Variants in CSMD1 observed in about 807,000 individuals in gnomAD.
The protein encoded by CSMD1 is CUB and Sushi multiple domains 1, also known as CUB and sushi domain-containing protein 1.
Under a neutral mutation model 417.5 loss-of-function variants are expected in CSMD1, and 213 were observed. The observed-to-expected ratio is 0.51, with a 90% CI of 0.46 to 0.57. The LOEUF (loss-of-function observed/expected upper bound fraction) is 0.57, where lower values mean the gene tolerates loss of function less well. CSMD1 is among the 20% of genes least tolerant of loss of function. The probability of loss-of-function intolerance (pLI) is 0.00; values close to 1 mark genes in which losing one functional copy is unlikely to be tolerated. For missense variants in CSMD1, 6,923 were observed against 4,529.7 expected (o/e 1.53, Z -15.17); for synonymous variants, 2,862 against 1,736.8 (o/e 1.65, Z -16.11).
chr8:4,841,876 A>C (rs1800854140), intron 1 of CSMD1, among the ~76,000 whole-genome samples: 2 of 129,648 alleles, frequency 1.5e-5, no homozygotes, highest in African/African-American at 2.8e-5. Context: ...GCACCGTTGC[A>C]CTCTAGCCGG....
intron 6 of CSMD1, among the ~76,000 whole-genome samples, chr8:3,717,097 C>G (rs922249207): frequency 6.6e-5 from 10 of 152,172 alleles, no homozygotes; most frequent in Admixed American, 5.9e-4. Context: ...TACCATATCT[C>G]AACAGTCTGC....
At chr8:3,941,480 C>A (rs1043978825) in intron 5 of CSMD1, among the ~76,000 whole-genome samples, 1 of 152,040 alleles carries the variant, frequency 6.6e-6, no homozygotes, top group African/African-American at 2.4e-5. Context: ...TAAATGCATC[C>A]TCAAGGTATC....
intron 5 of CSMD1, among the ~76,000 whole-genome samples, chr8:3,931,155 C>T (rs75294051): frequency 6.6e-6 from 1 of 150,630 alleles, no homozygotes; most frequent in African/African-American, 2.4e-5. Context: ...AGCTAAACAT[C>T]GTCTGCATCT....
intron 60 of CSMD1, 67 bp from the exon 61 acceptor site, chr8:2,962,706 G>A: frequency 6.7e-7 from 1 of 1,484,302 alleles, no homozygotes; most frequent in Non-Finnish European, 9.1e-7. Flanking sequence ...AATTGAGCTT[G>A]GTAACTAGTT....
chr8:4,086,875 A>C (rs1457155022), intron 3 of CSMD1, among the ~76,000 whole-genome samples: 3 of 152,362 alleles, frequency 2.0e-5, no homozygotes, highest in Admixed American at 6.5e-5. Context: ...ATAAGAGAGT[A>C]AACTGCAAGT....
chr8:3,684,616 T>A (rs1042346335), intron 7 of CSMD1, among the ~76,000 whole-genome samples: 32 of 129,760 alleles, frequency 2.5e-4, no homozygotes, highest in African/African-American at 8.5e-4. Context: ...TTTTTTTTTT[T>A]AGACGGAGTC....
chr8:4,914,763 G>A (rs1317195430), intron 1 of CSMD1, among the ~76,000 whole-genome samples: 2 of 152,092 alleles, frequency 1.3e-5, no homozygotes, highest in African/African-American at 4.8e-5. Context: ...CTCAGTTTAC[G>A]TCACTACCTG....
At chr8:3,468,518 C>T (rs763795640) in intron 12 of CSMD1, among the ~76,000 whole-genome samples, 194 bp downstream of exon 12, 2 of 152,102 alleles carry the variant, frequency 1.3e-5, no homozygotes, top group Admixed American at 6.5e-5. Context: ...CATGGCAAGC[C>T]GAGTTTTCAG....
rs1045253021 is a variant in CSMD1, at chr8:4,519,961, T to C, written c.303-99896A>G. On this transcript the variant is annotated intron_variant, in intron 2 of 69. Coordinates refer to ENST00000635120, the MANE Select transcript of CSMD1 (RefSeq NM_033225.6). ...CGTGTGTGTGTGTGTGTGTGTGGTG[T>C]GTATACATTTTTCATTCAACCAAAG... 7.4e-5 allele frequency among the ~76,000 whole-genome samples: 11 copies of C among 148,070 alleles called. No homozygotes were observed. In the Admixed American group the frequency reaches 7.5e-4, roughly 10 times the overall value.
intron 50 of CSMD1, among the ~76,000 whole-genome samples, chr8:3,042,819 T>C (rs112285826): frequency 0.037 from 5,701 of 152,212 alleles, 150 homozygotes; most frequent in Admixed American, 0.062. Flanking sequence ...ATAGGTCGTA[T>C]AAACCTAGTG....
At chr8:3,144,890 T>C (rs1385934821) in intron 40 of CSMD1, among the ~76,000 whole-genome samples, 2 of 151,904 alleles carry the variant, frequency 1.3e-5, no homozygotes, top group Non-Finnish European at 2.9e-5. Context: ...CTCTGCCTGC[T>C]GTGACAGCTG....
intron 3 of CSMD1, among the ~76,000 whole-genome samples, chr8:4,269,271 G>T (rs1350520781): frequency 6.6e-6 from 1 of 152,096 alleles, no homozygotes; most frequent in Non-Finnish European, 1.5e-5. Context: ...TGCCCAGGCT[G>T]GTCTTGAACC....
intron 5 of CSMD1, among the ~76,000 whole-genome samples, chr8:3,847,000 T>C (rs1284345167): frequency 6.6e-6 from 1 of 152,094 alleles, no homozygotes; most frequent in Non-Finnish European, 1.5e-5. Context: ...TAAATATGAA[T>C]TTTCCAGATC....
chr8:3,769,888 C>T (rs73658242), intron 5 of CSMD1, among the ~76,000 whole-genome samples: 2,455 of 152,322 alleles, frequency 0.016, 51 homozygotes, highest in African/African-American at 0.056. Flanking sequence ...AGGGATGTAG[C>T]TCTTCAGGAC....
At chr8:4,022,032 G>A (rs1197156900) in intron 4 of CSMD1, among the ~76,000 whole-genome samples, 1 of 151,368 alleles carries the variant, frequency 6.6e-6, no homozygotes, top group Non-Finnish European at 1.5e-5. Context: ...AAGTCCAGGT[G>A]CCTATATTTT....
intron 26 of CSMD1, among the ~76,000 whole-genome samples, chr8:3,259,351 C>G (rs2117079050): frequency 6.6e-6 from 1 of 152,322 alleles, no homozygotes; most frequent in Middle Eastern, 3.4e-3. Flanking sequence ...TTCGTTCACT[C>G]AGTCCTGCTT....
intron 10 of CSMD1, among the ~76,000 whole-genome samples, chr8:3,530,445 C>T (rs150264437): frequency 1.8e-3 from 275 of 152,202 alleles, no homozygotes; most frequent in African/African-American, 1.7e-3. Context: ...GTTTAACTTC[C>T]ACATATTTGT....
intron 3 of CSMD1, among the ~76,000 whole-genome samples, chr8:4,066,016 T>C (rs1375020751): frequency 3.9e-5 from 6 of 152,184 alleles, no homozygotes; most frequent in African/African-American, 1.4e-4. Flanking sequence ...ACGAATATCC[T>C]TGGAGGAAGT....
At chr8:4,103,164 A>C (rs907630176) in intron 3 of CSMD1, among the ~76,000 whole-genome samples, 4 of 152,158 alleles carry the variant, frequency 2.6e-5, no homozygotes, top group African/African-American at 9.7e-5. Context: ...ACTGTGAGCC[A>C]GTCAGCACAA....
Sources: gnomAD v4.1 joint callset for allele counts (sites outside exome capture counted in the v4.1 genomes callset) on GRCh38, gnomAD v4.1.1 for gene constraint, MANE v1.5 for transcripts, NCBI Gene and HGNC (gene_info 2026-07-23, HGNC 2026-07-21) for gene names.